The following NUP210 variants were observed in gnomAD, a reference collection of about 807,000 sequenced individuals.
NUP210 encodes the protein nucleoporin 210.
NUP210 carries 151 observed loss-of-function variants against 196.0 expected under a neutral mutation model. The observed-to-expected ratio is 0.77, with a 90% CI of 0.67 to 0.88. The LOEUF (loss-of-function observed/expected upper bound fraction) is 0.88. Ranked by LOEUF, NUP210 falls within the 40% of genes least tolerant of loss-of-function variation. The pLI is 0.00. For synonymous variants in NUP210, 1,070 were observed against 1,052.7 expected (o/e 1.02, Z -0.32); for missense variants, 2,314 against 2,493.7 (o/e 0.93, Z 1.53).
rs762804106 is a variant in NUP210 at position 13,397,389 on chromosome 3, AG to A, written c.403del (p.Leu135TrpfsTer3). ...TRELYLEDSP[L>X]ELKIQALDSE... ...GTCCAGGGCCTGGATCTTCAGCTCC[AG>A]GGGGGAGTCCTCCAGGTAGAGCTCG... On this transcript the variant is annotated frameshift_variant, in exon 3 of 40. Transcript: ENST00000254508. LOFTEE classifies it high-confidence loss of function. 2 of 1,611,960 alleles carry A rather than the reference AG, an allele frequency of 1.2e-6. No individual in the cohort carries two copies. The highest frequency in any genetic ancestry group is 2.2e-5 in the East Asian group (1 of 44,672).
rs765395956 is a variant in NUP210, at chr3:13,322,338, G to A, written c.4770C>T (p.Gly1590=). Residue 1590 remains glycine, a splice_region_variant and synonymous_variant, in exon 35 of 40, where the codon GGC becomes GGT. Coordinates refer to ENST00000254508, the MANE Select transcript of NUP210 (RefSeq NM_024923.4). The part of the protein sequence containing the change: ...AVGDRSSNLR[G]ECTPTQREVI... The stretch of plus-strand genomic sequence containing the variant: ...CTTCCCTCTGGGTGGGGGTGCACTC[G>A]CCTAGAGAGGGGAGAGACGAGAGGG... 60 of 1,614,080 alleles carry A rather than the reference G, an allele frequency of 3.7e-5. 1 individual carries two copies. The Middle Eastern group carries it at 6.6e-4, about 18-fold the overall frequency.
rs150629870 is a variant in NUP210, at chr3:13,319,820, C to G, written c.5326G>C (p.Ala1776Pro). The change falls in exon 37 of 40, where the codon GCC becomes CCC. Residue 1776 changes from alanine to proline, a missense_variant. Ala to Pro is a conservative substitution (Grantham distance 27, BLOSUM62 -1). Transcript: ENST00000254508. The part of the protein sequence containing the change: ...LTFSSPVTNQ[A>P]IAIPVTVAFV... ...GCCACTGTCACTGGGATGGCAATGG[C>G]TTGGTTGGTCACGGGGCTGGAGAAG... 1.2e-6 allele frequency: 2 copies of G among 1,614,120 alleles called. No individual in the cohort carries two copies. The highest frequency in any genetic ancestry group is 1.7e-6 in the Non-Finnish European group (2 of 1,180,050).
chr3:13,367,739 C>T (rs1698589489), intron 13 of NUP210, among the ~76,000 whole-genome samples: 1 of 152,232 alleles, frequency 6.6e-6, no homozygotes, highest in Non-Finnish European at 1.5e-5. Flanking sequence ...TTGGTCACAC[C>T]GTGAAGATCC....
At chr3:13,343,360 C>G (rs770585415) in intron 20 of NUP210, 57 bp from the exon 21 acceptor site, 1 of 1,580,746 alleles carries the variant, frequency 6.3e-7, no homozygotes, top group East Asian at 2.3e-5. Context: ...GCTGCAGGGC[C>G]CCCCTCTGCT....
At chr3:13,381,424 T>TC (rs1411070080) in intron 6 of NUP210, among the ~76,000 whole-genome samples, 2 of 150,368 alleles carry the variant, frequency 1.3e-5, no homozygotes, top group Non-Finnish European at 3.0e-5. Context: ...TCTTTTCTTT[T>TC]TTTTTTTTTT....
At chr3:13,319,576 C>G (rs1450685517) in intron 37 of NUP210, among the ~76,000 whole-genome samples, 187 bp downstream of exon 37, 2 of 152,196 alleles carry the variant, frequency 1.3e-5, no homozygotes, top group Non-Finnish European at 1.5e-5. Flanking sequence ...ATGTTGAGAA[C>G]AGATGGGAAA....
intron 20 of NUP210, chr3:13,351,662 T>C: frequency 2.1e-6 from 1 of 468,340 alleles, no homozygotes; most frequent in South Asian, 2.4e-5. Flanking sequence ...AATTTTTGAT[T>C]TTTCTTTTTT....
Position 13,340,171 on chromosome 3 carries a change from C to T in NUP210, c.3291+65G>A, listed in dbSNP as rs549885542. On this transcript the variant is annotated intron_variant, in intron 24 of 39. Transcript: ENST00000254508. The surrounding 1 kb of genome is among the most constrained non-coding windows in gnomAD (Gnocchi z 4.0). The stretch of plus-strand genomic sequence containing the variant: ...TCACTGCACGCAGGGCCAGAGGCGG[C>T]GTGCCTGGAACCAGGTGGTGGCCTG... 26 of 1,607,666 alleles carry T rather than the reference C, an allele frequency of 1.6e-5. No individual in the cohort carries two copies. In the East Asian group the frequency reaches 2.9e-4, roughly 18 times the overall value.
At chr3:13,384,252 C>G (rs967030206) in intron 6 of NUP210, among the ~76,000 whole-genome samples, 2 of 152,254 alleles carry the variant, frequency 1.3e-5, no homozygotes, top group African/African-American at 2.4e-5. Flanking sequence ...TGAGCCACCA[C>G]GCCCGGCCGG....
At position 13,317,800 on chromosome 3, in the gene NUP210, CG is replaced by C. The variant is rs1559300883; in HGVS notation, c.5564-20del. ...GCGAAATCTAGGGTGGGAAGAGAGACGATGTTAGCAGCAGAGCCAGGGAAAG... is the reference window on the plus strand; with the variant it reads ...GCGAAATCTAGGGTGGGAAGAGAGACATGTTAGCAGCAGAGCCAGGGAAAG... On this transcript the variant is annotated intron_variant, in intron 39 of 39. Coordinates refer to ENST00000254508, the MANE Select transcript of NUP210 (RefSeq NM_024923.4). 1 of 1,554,596 alleles carries C rather than the reference CG, an allele frequency of 6.4e-7. No homozygotes were observed. Among genetic ancestry groups the C allele is most frequent in the Admixed American group, 1.7e-5 (1 of 57,250 alleles).
At chr3:13,413,146 C>T (rs56286673) in intron 1 of NUP210, among the ~76,000 whole-genome samples, 40,118 of 151,258 alleles carry the variant, frequency 0.27, 8,323 homozygotes, top group African/African-American at 0.58. Context: ...ATGCCGGTAG[C>T]CCCAGCTACT....
Position 13,375,591 on chromosome 3 carries a change from C to A in NUP210, c.1344G>T (p.Val448=). The part of the protein sequence containing the change: ...LQVPVWNQQE[V]EIHIPITLYP... ...ACAGGGTGATCGGGATGTGAATTTC[C>A]ACCTCCTGCTGGTTCCACACAGGCA... The change falls in exon 11 of 40, where the codon GTG becomes GTT. Residue 448 remains valine, a synonymous_variant. Transcript: ENST00000254508. 2 of 1,614,108 alleles carry A rather than the reference C, an allele frequency of 1.2e-6. No individual in the cohort carries two copies. Among genetic ancestry groups the A allele is most frequent in the Non-Finnish European group, 1.7e-6 (2 of 1,180,012 alleles).
intron 39 of NUP210, 57 bp from the exon 40 acceptor site, chr3:13,317,838 TCA>T: frequency 1.6e-6 from 2 of 1,251,490 alleles, no homozygotes; most frequent in Non-Finnish European, 2.3e-6. Flanking sequence ...GGCGCACTCT[TCA>T]GTTACAGCCA....
At position 13,371,826 on chromosome 3, in the gene NUP210, T is replaced by C. The variant is rs747918207; in HGVS notation, c.1786+8A>G. Reference sequence around the variant, plus strand: ...GTATCTGGCACCTGCTCAGCAGCGCTGGTTTACCTGGGAGTGGCTGGAACA... The same window carrying C: ...GTATCTGGCACCTGCTCAGCAGCGCCGGTTTACCTGGGAGTGGCTGGAACA... On this transcript the variant is annotated splice_region_variant and intron_variant, in intron 13 of 39. Coordinates refer to ENST00000254508, the MANE Select transcript of NUP210 (RefSeq NM_024923.4). The C allele has an allele frequency of 2.1e-5, 34 of 1,601,804 alleles. No individual in the cohort carries two copies. In the African/African-American group the frequency reaches 4.3e-4, roughly 20 times the overall value.
intron 1 of NUP210, among the ~76,000 whole-genome samples, chr3:13,416,026 C>T (rs922931791): frequency 3.2e-4 from 48 of 152,306 alleles, no homozygotes; most frequent in African/African-American, 1.1e-3. Flanking sequence ...GTCATCTGAA[C>T]TGCCTGGGGT....
Position 13,323,337 on chromosome 3 carries a change from G to C in NUP210, c.4740C>G (p.Ala1580=), listed in dbSNP as rs191316237. 1.7e-5 allele frequency: 28 copies of C among 1,613,984 alleles called. No homozygotes were observed. The highest frequency in any genetic ancestry group is 2.3e-5 in the Non-Finnish European group (27 of 1,180,006). ...QEATASKVIV[A]VGDRSSNLRG... ...TCAGGTTAGAGCTTCTGTCTCCCAC[G>C]GCAACAATCACTTTGGAGGCTGTAG... is the stretch of plus-strand genomic sequence containing the variant. Residue 1580 remains alanine, a synonymous_variant, in exon 34 of 40, where the codon GCC becomes GCG. Coordinates refer to ENST00000254508, the MANE Select transcript of NUP210 (RefSeq NM_024923.4). This position sits in a 1 kb window ranked among gnomAD's most constrained non-coding sequence, Gnocchi z 4.3.
chr3:13,324,374 A>C (rs1309499661), intron 33 of NUP210, among the ~76,000 whole-genome samples: 1 of 152,006 alleles, frequency 6.6e-6, no homozygotes, highest in Non-Finnish European at 1.5e-5. Context: ...CACCCTGTCC[A>C]GCCTTCCTCA....
At position 13,365,991 on chromosome 3, in the gene NUP210, G is replaced by A; in HGVS notation, c.1887C>T (p.Val629=). Residue 629 remains valine (V), a synonymous_variant, in exon 14 of 40, where the codon GTC becomes GTT. Transcript: ENST00000254508. ...CAATGGTGATCTTGGCACTCAGGTG[G>A]ACGTGGCCGTGTCTGTAGCTCACAA... The part of the protein sequence containing the change: ...TLLVSYRHGH[V]HLSAKITIAA... 6.2e-7 allele frequency: 1 copy of A among 1,614,222 alleles called. No homozygotes were observed. Among genetic ancestry groups the A allele is most frequent in the Non-Finnish European group, 8.5e-7 (1 of 1,180,030 alleles).
At chr3:13,372,824 A>G (rs150140073) in intron 12 of NUP210, among the ~76,000 whole-genome samples, 2,228 of 152,258 alleles carry the variant, frequency 0.015, 27 homozygotes, top group East Asian at 0.059. Flanking sequence ...GGTTCTACCC[A>G]GAACGCACGC....
Sources: gnomAD v4.1 joint callset for allele counts (sites outside exome capture counted in the v4.1 genomes callset) on GRCh38, gnomAD v4.1.1 for gene constraint, Gnocchi (gnomAD v3.1) non-coding constraint, MANE v1.5 for transcripts, NCBI Gene and HGNC (gene_info 2026-07-23, HGNC 2026-07-21) for gene names.